The following HDAC9 variants were observed in gnomAD, a reference collection of about 807,000 sequenced individuals.
HDAC9 encodes MEF-2 interacting transcription repressor (MITR) protein.
A neutral mutation model predicts 139.4 loss-of-function variants in HDAC9; 41 were observed. The ratio of observed to expected loss-of-function variants is 0.29; its 90% CI spans 0.23 to 0.38. The LOEUF is 0.38. Ranked by LOEUF, HDAC9 falls within the 10% of genes least tolerant of loss-of-function variation. The pLI, the probability that HDAC9 is intolerant of heterozygous loss-of-function variation, is 1.00. For synonymous variants in HDAC9, 517 were observed against 476.2 expected (o/e 1.09, Z -1.12); for missense variants, 1,147 against 1,297.0 (o/e 0.88, Z 1.78).
At chr7:18,735,733 C>T (rs1786824053) in intron 13 of HDAC9, among the ~76,000 whole-genome samples, 1 of 152,158 alleles carries the variant, frequency 6.6e-6, no homozygotes, top group Non-Finnish European at 1.5e-5. Flanking sequence ...TTTCTGGTTC[C>T]ATACAAAATT....
intron 2 of HDAC9, among the ~76,000 whole-genome samples, chr7:18,542,207 T>C (rs1813216223): frequency 1.3e-5 from 2 of 152,162 alleles, no homozygotes; most frequent in Admixed American, 1.3e-4. Context: ...ATATACAAAA[T>C]TAAACTCATT....
At chr7:18,850,081 TAAAAAAAAA>T (rs11327408) in intron 21 of HDAC9, among the ~76,000 whole-genome samples, 9 of 82,314 alleles carry the variant, frequency 1.1e-4, no homozygotes. Flanking sequence ...AAAGCCTGAG[TAAAAAAAAA>T]AAAAAAAAAA....
At chr7:18,678,523 C>T (rs931512716) in intron 12 of HDAC9, among the ~76,000 whole-genome samples, 1 of 151,560 alleles carries the variant, frequency 6.6e-6, no homozygotes. Context: ...TTCATGTTTT[C>T]TTCTGTACAT....
chr7:18,370,602 C>T (rs1314581585), intron 1 of HDAC9, among the ~76,000 whole-genome samples: 1 of 152,142 alleles, frequency 6.6e-6, no homozygotes, highest in Non-Finnish European at 1.5e-5. Flanking sequence ...AAGTGTGAGG[C>T]AATTGGATCA....
chr7:18,823,119 C>T (rs1795112473), intron 17 of HDAC9, among the ~76,000 whole-genome samples: 1 of 152,058 alleles, frequency 6.6e-6, no homozygotes, highest in African/African-American at 2.4e-5. Flanking sequence ...GTGAGAGGGA[C>T]TAAGATTAAG....
chr7:18,197,512 T>C (rs1208883333), intron 2 of HDAC9, among the ~76,000 whole-genome samples: 2 of 152,186 alleles, frequency 1.3e-5, no homozygotes, highest in African/African-American at 4.8e-5. Flanking sequence ...GTTGCATCTT[T>C]GAATCATCTA....
intron 1 of HDAC9, among the ~76,000 whole-genome samples, chr7:18,472,255 G>C (rs986656102): frequency 1.3e-5 from 2 of 152,066 alleles, no homozygotes; most frequent in African/African-American, 4.8e-5. Flanking sequence ...GCTAAGAAAT[G>C]ACACAGATCA....
At chr7:18,502,757 A>G (rs948586554) in intron 2 of HDAC9, 4 of 152,206 alleles carry the variant, frequency 2.6e-5, no homozygotes, top group African/African-American at 7.2e-5. Context: ...AAGTAATTGT[A>G]GAAGAAACTG....
At chr7:18,701,397 T>TAAAA (rs533989795) in intron 12 of HDAC9, among the ~76,000 whole-genome samples, 3 of 103,190 alleles carry the variant, frequency 2.9e-5, no homozygotes, top group African/African-American at 1.1e-4. Flanking sequence ...GCGTCTGATT[T>TAAAA]AAAAAAAAAC....
intron 2 of HDAC9, among the ~76,000 whole-genome samples, chr7:18,527,447 TATCTC>T (rs1399224159): frequency 6.6e-6 from 1 of 152,184 alleles, no homozygotes; most frequent in African/African-American, 2.4e-5. Flanking sequence ...GTCTGGGTAA[TATCTC>T]AGAATTAGAT....
chr7:18,821,653 C>G (rs1794984144), intron 17 of HDAC9, among the ~76,000 whole-genome samples: 1 of 152,230 alleles, frequency 6.6e-6, no homozygotes, highest in South Asian at 2.1e-4. Flanking sequence ...CTCCAATTAT[C>G]TGCAGACACT....
upstream of HDAC9, among the ~76,000 whole-genome samples, chr7:18,491,275 A>C (rs751095762): frequency 6.6e-6 from 1 of 152,004 alleles, no homozygotes; most frequent in Non-Finnish European, 1.5e-5. Flanking sequence ...AAAACAAAAC[A>C]ATACACTGTA....
intron 16 of HDAC9, among the ~76,000 whole-genome samples, chr7:18,788,650 G>A (rs755964591): frequency 9.2e-5 from 14 of 151,600 alleles, no homozygotes; most frequent in Non-Finnish European, 1.6e-4. Context: ...ATCTACTTGG[G>A]AGGCTGAGGC....
chr7:18,933,392 G>A (rs1405184496), intron 22 of HDAC9, among the ~76,000 whole-genome samples: 1 of 152,088 alleles, frequency 6.6e-6, no homozygotes, highest in East Asian at 1.9e-4. Context: ...ATCCTTAGAA[G>A]GCAACAAGAG....
chr7:18,809,295 A>G (rs986620882), intron 17 of HDAC9, among the ~76,000 whole-genome samples: 3 of 152,084 alleles, frequency 2.0e-5, no homozygotes, highest in African/African-American at 7.2e-5. Context: ...TTTTTTGGTT[A>G]TACACAAAAA....
At chr7:18,629,560 G>C in intron 7 of HDAC9, 79 bp downstream of exon 7, 1 of 1,311,012 alleles carries the variant, frequency 7.6e-7, no homozygotes, top group Middle Eastern at 2.0e-4. Flanking sequence ...TATACCTGCT[G>C]CATATTAAAA....
At chr7:18,726,559 T>C (rs1021755835) in intron 12 of HDAC9, among the ~76,000 whole-genome samples, 2 of 152,098 alleles carry the variant, frequency 1.3e-5, no homozygotes, top group Admixed American at 6.6e-5. Context: ...GAGTATTATG[T>C]TTTTTACCAC....
At chr7:18,835,758 T>G in intron 20 of HDAC9, 142 bp from the exon 21 acceptor site, 1 of 1,035,692 alleles carries the variant, frequency 9.7e-7, no homozygotes, top group Admixed American at 2.0e-5. Flanking sequence ...CCCAGAGCAC[T>G]GTTTGTCAGG....
rs150002300 is a variant in HDAC9, at chr7:18,658,413, G to A, written c.1468-7800G>A. On this transcript the variant is annotated intron_variant, in intron 11 of 25. Transcript: ENST00000686413. ...TATTAGCAAGTTTTGAGAACCAGAG[G>A]AAAAAAAATTTAATTGCAGGCATTG... is the stretch of plus-strand genomic sequence containing the variant. Among the ~76,000 whole-genome samples the A allele has an allele frequency of 1.8e-3, 268 of 151,862 alleles. 1 individual carries two copies. The highest frequency in any genetic ancestry group is 6.3e-3 in the African/African-American group (263 of 41,446).
Sources: allele counts gnomAD v4.1 joint callset (sites outside exome capture counted in the v4.1 genomes callset), GRCh38; gene constraint gnomAD v4.1.1; transcripts MANE v1.5; gene names NCBI Gene and HGNC (gene_info 2026-07-23, HGNC 2026-07-21).